Variants in HGF observed in about 807,000 individuals in gnomAD.
The protein encoded by HGF is hepatocyte growth factor.
Under a neutral mutation model 111.6 loss-of-function variants are expected in HGF, and 39 were observed. The ratio of observed to expected loss-of-function variants is 0.35; its 90% confidence interval spans 0.27 to 0.46. The LOEUF (loss-of-function observed/expected upper bound fraction) is 0.46, where lower values mean the gene tolerates loss of function less well. HGF is among the 20% of genes least tolerant of loss of function. The pLI, the probability that HGF is intolerant of heterozygous loss-of-function variation, is 1.00. For synonymous variants in HGF, 285 were observed against 294.8 expected (o/e 0.97, Z 0.34); for missense variants, 735 against 910.5 (o/e 0.81, Z 2.48).
intron 6 of HGF, among the ~76,000 whole-genome samples, 160 bp from the exon 7 acceptor site, chr7:81,743,631 T>G (rs879009085): frequency 6.6e-6 from 1 of 152,134 alleles, no homozygotes; most frequent in Non-Finnish European, 1.5e-5. Context: ...TCACTGACTA[T>G]TGAATCTACT....
Position 81,756,929 on chromosome 7 carries a change from T to G in HGF, c.482+260A>C, listed in dbSNP as rs1025077073. On this transcript the variant is annotated intron_variant, in intron 4 of 17. Coordinates refer to ENST00000222390, the MANE Select transcript of HGF (RefSeq NM_000601.6). ...GAAGAAGAATCCTTTTAAACGAAGT[T>G]TACGTTATTATTTCACAAATACCGA... The G allele has an allele frequency of 5.5e-6, 3 of 541,672 alleles. No homozygotes were observed. In the African/African-American group the frequency reaches 5.7e-5, roughly 10 times the overall value. 33.6% of individuals were successfully genotyped at this position (541,672 alleles called of 1,614,324 possible).
At chr7:81,755,904 G>T in intron 4 of HGF, 1 of 657,668 alleles carries the variant, frequency 1.5e-6, no homozygotes, top group Non-Finnish European at 2.7e-6. Context: ...ATTAGGCCAA[G>T]ATCATAGGTT....
intron 3 of HGF, among the ~76,000 whole-genome samples, 161 bp downstream of exon 3, chr7:81,758,531 A>T (rs1788896394): frequency 6.6e-6 from 1 of 152,116 alleles, no homozygotes; most frequent in Non-Finnish European, 1.5e-5. Flanking sequence ...AAAAATAGTC[A>T]AGATACTAGT....
In HGF at chr7:81,743,449, C is replaced by A. The variant is rs866239995; in HGVS notation, c.769G>T (p.Asp257Tyr). ...CCATCGGGATTGCGGCAATAATTAT[C>A]ATCAAAGCCCTTGTCGGGATATCTG... ...PERYPDKGFD[D>Y]NYCRNPDGQP... Residue 257 changes from aspartate (D) to tyrosine (Y), a missense_variant, in exon 7 of 18, where the codon GAT becomes TAT. Asp to Tyr is a radical substitution (Grantham distance 160, BLOSUM62 -3). Around this residue, in one of 3 missense-constraint regions of HGF, gnomAD observed 553 missense variants for 685.6 expected, o/e 0.81. Transcript: ENST00000222390. The A allele has an allele frequency of 6.2e-7, 1 of 1,612,918 alleles. No individual in the cohort carries two copies. Among genetic ancestry groups the A allele is most frequent in the East Asian group, 2.2e-5 (1 of 44,856 alleles).
At chr7:81,753,544 C>G (rs568185443) in intron 4 of HGF, among the ~76,000 whole-genome samples, 27 of 151,924 alleles carry the variant, frequency 1.8e-4, no homozygotes, top group Admixed American at 1.5e-3. Flanking sequence ...TGTTGTGACA[C>G]AAAACAAATA....
At chr7:81,717,840 A>G (rs901597465) in intron 10 of HGF, among the ~76,000 whole-genome samples, 2 of 152,182 alleles carry the variant, frequency 1.3e-5, no homozygotes, top group African/African-American at 4.8e-5. Context: ...GAAATGAATA[A>G]TGTGTTAATT....
At chr7:81,763,120 T>A (rs995194511) in intron 1 of HGF, 2 of 467,600 alleles carry the variant, frequency 4.3e-6, no homozygotes, top group Admixed American at 7.7e-5. Context: ...ATTAAGGAGC[T>A]TTTAAAAATC....
intron 4 of HGF, chr7:81,756,172 G>A (rs768775536): frequency 4.1e-5 from 25 of 607,370 alleles, no homozygotes; most frequent in Admixed American, 1.4e-4. Context: ...CTTATATTCT[G>A]GCCATGTCAC....
At chr7:81,761,616 T>C (rs1316219243) in intron 2 of HGF, among the ~76,000 whole-genome samples, 2 of 151,670 alleles carry the variant, frequency 1.3e-5, no homozygotes, top group Non-Finnish European at 2.9e-5. Flanking sequence ...GGTAAGATAA[T>C]GAAGAACTAA....
rs1004774004 is a variant in HGF, at chr7:81,702,261, C to G, written c.*320G>C. On this transcript the variant is annotated 3_prime_UTR_variant, in exon 18 of 18. Transcript: ENST00000222390. ...AACCAACATCAGAAAGCAGCTTAGA[C>G]AGATTAATTGATTTTTTTTCCCATG... The G allele has an allele frequency of 3.1e-6, 1 of 317,540 alleles. No homozygotes were observed. The highest frequency in any genetic ancestry group is 5.9e-6 in the Non-Finnish European group (1 of 170,048). 19.7% of individuals were successfully genotyped at this position (317,540 alleles called of 1,614,324 possible).
At chr7:81,727,341 C>A (rs1389193091) in intron 8 of HGF, among the ~76,000 whole-genome samples, 3 of 151,950 alleles carry the variant, frequency 2.0e-5, no homozygotes, top group African/African-American at 7.3e-5. Context: ...CCGCACCCGG[C>A]CGAAACTGAG....
At chr7:81,743,824 G>A (rs1405650264) in intron 6 of HGF, among the ~76,000 whole-genome samples, 1 of 152,052 alleles carries the variant, frequency 6.6e-6, no homozygotes, top group Non-Finnish European at 1.5e-5. Context: ...CCTCTTCTAG[G>A]GAAGGCTTAA....
At chr7:81,768,389 CT>C (rs1789466134) in intron 1 of HGF, among the ~76,000 whole-genome samples, 2 of 151,868 alleles carry the variant, frequency 1.3e-5, no homozygotes, top group East Asian at 3.9e-4. Flanking sequence ...TTTTTTTCTT[CT>C]TCTTCTTGAG....
rs1321798247 is a variant in HGF at position 81,710,272 on chromosome 7, T to A, written c.1445-29A>T. ...AAACAGGACCAAACATAACATTTTT[T>A]AAAATAAGAATTTGAAATAATCAGT... On this transcript the variant is annotated intron_variant, in intron 12 of 17. Transcript: ENST00000222390. 2.7e-6 allele frequency: 4 copies of A among 1,471,360 alleles called. No individual in the cohort carries two copies. In the East Asian group the frequency reaches 6.8e-5, roughly 25 times the overall value. 91.1% of individuals were successfully genotyped at this position (1,471,360 alleles called of 1,614,324 possible).
At chr7:81,748,735 G>A (rs1205851060) in intron 5 of HGF, among the ~76,000 whole-genome samples, 2 of 152,138 alleles carry the variant, frequency 1.3e-5, no homozygotes, top group African/African-American at 4.8e-5. Context: ...AACTCACAGA[G>A]TAATGGTTTC....
At chr7:81,755,685 T>C (rs564064491) in intron 4 of HGF, 217 of 242,706 alleles carry the variant, frequency 8.9e-4, no homozygotes, top group African/African-American at 4.4e-3. Context: ...TTAAATAAAA[T>C]GTTTTCTTCA....
At chr7:81,743,260 G>T (rs1562892072) in intron 7 of HGF, 93 bp downstream of exon 7, 1 of 823,594 alleles carries the variant, frequency 1.2e-6, no homozygotes, top group Non-Finnish European at 2.2e-6. Flanking sequence ...AAAGCATCAA[G>T]TTAAATAGTT....
intron 5 of HGF, among the ~76,000 whole-genome samples, chr7:81,747,879 GC>G (rs1788337203): frequency 6.6e-6 from 1 of 152,096 alleles, no homozygotes; most frequent in Admixed American, 6.5e-5. Context: ...GCTGCACTGA[GC>G]CGAGATGGTG....
intron 7 of HGF, among the ~76,000 whole-genome samples, chr7:81,737,417 A>T (rs772126866): frequency 9.2e-5 from 14 of 152,048 alleles, no homozygotes; most frequent in Non-Finnish European, 1.6e-4. Context: ...GCATGTTCTG[A>T]TATATAGCAA....
Sources: allele counts gnomAD v4.1 joint callset (sites outside exome capture counted in the v4.1 genomes callset), GRCh38; gene constraint gnomAD v4.1.1; regional missense constraint gnomAD v4.1.1; transcripts MANE v1.5; gene names NCBI Gene and HGNC (gene_info 2026-07-23, HGNC 2026-07-21).